Variants in NPEPPS observed in about 807,000 individuals in gnomAD.
The protein encoded by NPEPPS is puromycin-sensitive aminopeptidase.
Under a neutral mutation model 115.5 loss-of-function variants are expected in NPEPPS, and 14 were observed. The observed-to-expected ratio is 0.12, with a 90% confidence interval of 0.08 to 0.19. The LOEUF (loss-of-function observed/expected upper bound fraction) is 0.19. Among genes scored for constraint, NPEPPS ranks in the 10% least tolerant of loss-of-function variants. The pLI is 1.00. For synonymous variants in NPEPPS, 285 were observed against 390.6 expected (o/e 0.73, Z 3.19); for missense variants, 523 against 1,110.8 (o/e 0.47, Z 7.52).
chr17:47,595,658 CA>C (rs1260088305), intron 12 of NPEPPS, among the ~76,000 whole-genome samples: 1 of 151,684 alleles, frequency 6.6e-6, no homozygotes, highest in African/African-American at 2.4e-5. Context: ...GCCTGGGCAA[CA>C]TGGTGAAATC....
chr17:47,561,161 T>C (rs1240908677), intron 2 of NPEPPS, among the ~76,000 whole-genome samples: 1 of 152,064 alleles, frequency 6.6e-6, no homozygotes, highest in African/African-American at 2.4e-5. Flanking sequence ...CAGAATACCA[T>C]CTTGTACTTC....
In NPEPPS at chr17:47,596,921, A is replaced by C. The variant is rs568499218; in HGVS notation, c.1536+459A>C. ...AAATTAGCTGAGCATGGTGGCACAC[A>C]CCTGTAATCCCAGCTACTCTGGAGA... On this transcript the variant is annotated intron_variant, in intron 13 of 22. Coordinates refer to ENST00000322157, the MANE Select transcript of NPEPPS (RefSeq NM_006310.4). Among the ~76,000 whole-genome samples the C allele has an allele frequency of 2.0e-5, 3 of 152,172 alleles. No individual in the cohort carries two copies. In the South Asian group the frequency reaches 6.2e-4, roughly 32 times the overall value.
chr17:47,562,411 TTGG>T (rs1205952303), intron 2 of NPEPPS, among the ~76,000 whole-genome samples: 3 of 152,196 alleles, frequency 2.0e-5, no homozygotes, highest in Non-Finnish European at 2.9e-5. Context: ...TTGCTTCTTG[TTGG>T]TGGGGAGAAA....
chr17:47,601,765 C>T lies in NPEPPS; in HGVS notation c.1740+18C>T, dbSNP rs774057631. Reference sequence around the variant, plus strand: ...GGGTGAAGGTGAGTTCAGAATCTTACCTAAACAGATTTCTCTCACTTATAC... The same window carrying T: ...GGGTGAAGGTGAGTTCAGAATCTTATCTAAACAGATTTCTCTCACTTATAC... On this transcript the variant is annotated intron_variant, in intron 15 of 22. Coordinates refer to ENST00000322157, the MANE Select transcript of NPEPPS (RefSeq NM_006310.4). The T allele has an allele frequency of 1.2e-6, 2 of 1,610,126 alleles. No individual in the cohort carries two copies. The highest frequency in any genetic ancestry group is 2.7e-5 in the African/African-American group (2 of 74,606).
chr17:47,545,751 GTTTTCCAGGCT>G (rs1909156691), intron 1 of NPEPPS, among the ~76,000 whole-genome samples, 147 bp from the exon 2 acceptor site: 2 of 152,034 alleles, frequency 1.3e-5, no homozygotes, highest in Admixed American at 6.6e-5. Context: ...GTTTCGCCAT[GTTTTCCAGGCT>G]GGTCTCACTC....
chr17:47,607,187 A>T lies in NPEPPS; in HGVS notation c.2095+1635A>T, dbSNP rs528567794. On this transcript the variant is annotated intron_variant, in intron 17 of 22. Transcript: ENST00000322157. ...AGCCTGGGTGACAGGGCGAGACTCC[A>T]TCTCAAAAAAAAAGAAAAAGAAAGT... 1.3e-3 allele frequency among the ~76,000 whole-genome samples: 191 copies of T among 152,182 alleles called. 1 individual carries two copies. The highest frequency in any genetic ancestry group is 4.1e-3 in the African/African-American group (171 of 41,542).
chr17:47,568,302 C>T (rs1910963848), intron 2 of NPEPPS, among the ~76,000 whole-genome samples: 1 of 152,082 alleles, frequency 6.6e-6, no homozygotes, highest in Non-Finnish European at 1.5e-5. Flanking sequence ...TCCCGCATAG[C>T]TGGGATTAGA....
At chr17:47,531,609 G>T in intron 1 of NPEPPS, 54 bp downstream of exon 1, 7 of 1,532,338 alleles carry the variant, frequency 4.6e-6, no homozygotes, top group Non-Finnish European at 6.1e-6. Flanking sequence ...GTTAGGCCGC[G>T]CCCGCGGGCT....
intron 12 of NPEPPS, 79 bp downstream of exon 12, chr17:47,592,624 C>T: frequency 7.8e-7 from 1 of 1,281,212 alleles, no homozygotes; most frequent in Non-Finnish European, 1.1e-6. Context: ...TATTTTTGTT[C>T]TGAATACTTA....
chr17:47,572,798 C>G (rs1911275913), intron 3 of NPEPPS, among the ~76,000 whole-genome samples: 1 of 152,178 alleles, frequency 6.6e-6, no homozygotes, highest in Non-Finnish European at 1.5e-5. Context: ...ATTTTTGCAA[C>G]AGAATCTTGC....
chr17:47,535,832 CTT>C (rs553790964), intron 1 of NPEPPS, among the ~76,000 whole-genome samples: 96 of 100,986 alleles, frequency 9.5e-4, no homozygotes, highest in East Asian at 3.0e-3. Context: ...ATTGGGTATT[CTT>C]TTTTTTTTTT....
rs766689858 is a variant in NPEPPS, at chr17:47,613,712, A to G, written c.2282A>G (p.Asp761Gly). ...AAGCATGGTGATGGCACTACTTTAG[A>G]TATTATGTTAAAAGTAAGTATATTT... ...VLKHGDGTTL[D>G]IMLKLHKQAD... is the part of the protein sequence containing the mutation. The change falls in exon 19 of 23, where the codon GAT becomes GGT. Residue 761 changes from aspartate (D) to glycine (G), a missense_variant. By Grantham distance (94) the Asp-to-Gly change is moderately conservative (BLOSUM62 -1). Transcript: ENST00000322157. The G allele has an allele frequency of 1.3e-5, 21 of 1,610,560 alleles. No homozygotes were observed. Among genetic ancestry groups the G allele is most frequent in the African/African-American group, 2.7e-5 (2 of 74,768 alleles).
intron 2 of NPEPPS, among the ~76,000 whole-genome samples, chr17:47,568,673 G>A (rs1402264327): frequency 6.7e-6 from 1 of 148,458 alleles, no homozygotes; most frequent in African/African-American, 2.5e-5. Context: ...TTTTTTTTTT[G>A]AGACAGAGTT....
Position 47,536,780 on chromosome 17 carries a change from C to A in NPEPPS, c.255+5225C>A, listed in dbSNP as rs569367351. ...AGGCTGGAGTGCAATGGCGCGATCT[C>A]GGCTCACCGCAACCTCTGCCTCCCA... On this transcript the variant is annotated intron_variant, in intron 1 of 22. Transcript: ENST00000322157. Among the ~76,000 whole-genome samples, 18 of 143,822 alleles carry A rather than the reference C, an allele frequency of 1.3e-4. No individual in the cohort carries two copies. The Admixed American group carries it at 1.3e-3, about 10-fold the overall frequency. The allele number at this position is 143,822 out of a possible 152,430, so 94.4% of individuals were successfully genotyped here.
At chr17:47,574,491 A>G (rs1418935996) in intron 3 of NPEPPS, among the ~76,000 whole-genome samples, 2 of 152,210 alleles carry the variant, frequency 1.3e-5, no homozygotes, top group African/African-American at 2.4e-5. Flanking sequence ...TTCTAACATG[A>G]TAGAAGATAT....
intron 19 of NPEPPS, among the ~76,000 whole-genome samples, chr17:47,616,400 T>G (rs927861176): frequency 1.3e-5 from 2 of 150,954 alleles, no homozygotes; most frequent in African/African-American, 4.9e-5. Flanking sequence ...ATAGAAAAAT[T>G]AGGCCAGGCG....
chr17:47,597,863 T>C (rs1912972179), intron 13 of NPEPPS, among the ~76,000 whole-genome samples: 1 of 152,156 alleles, frequency 6.6e-6, no homozygotes, highest in South Asian at 2.1e-4. Flanking sequence ...ACTTTAAACA[T>C]GATTGGATTT....
At chr17:47,594,485 A>G (rs1451850595) in intron 12 of NPEPPS, among the ~76,000 whole-genome samples, 6 of 148,560 alleles carry the variant, frequency 4.0e-5, no homozygotes, top group Admixed American at 1.4e-4. Context: ...GTCTTGGCTC[A>G]CCACAACCTC....
intron 9 of NPEPPS, among the ~76,000 whole-genome samples, chr17:47,590,296 G>A (rs1912422521): frequency 6.6e-6 from 1 of 152,130 alleles, no homozygotes; most frequent in Admixed American, 6.5e-5. Flanking sequence ...GGCCGAGGCA[G>A]GTGGATCACT....
Sources: gnomAD v4.1 joint callset for allele counts (sites outside exome capture counted in the v4.1 genomes callset) on GRCh38, gnomAD v4.1.1 for gene constraint, MANE v1.5 for transcripts, NCBI Gene and HGNC (gene_info 2026-07-23, HGNC 2026-07-21) for gene names.